Variants in PIP4K2B observed in about 807,000 individuals in gnomAD.
The protein encoded by PIP4K2B is phosphatidylinositol 5-phosphate 4-kinase type-2 beta.
In PIP4K2B, 3 loss-of-function variants were observed where a neutral mutation model predicts 42.0. The observed-to-expected ratio is 0.07, with a 90% CI of 0.03 to 0.18. The LOEUF is 0.18. Ranked by LOEUF, PIP4K2B falls within the 10% of genes least tolerant of loss-of-function variation. The pLI is 1.00. For missense variants in PIP4K2B, 332 were observed against 562.3 expected (o/e 0.59, Z 4.14); for synonymous variants, 204 against 210.1 (o/e 0.97, Z 0.25).
intron 3 of PIP4K2B, among the ~76,000 whole-genome samples, chr17:38,781,622 T>G (rs1490353152): frequency 6.6e-6 from 1 of 152,040 alleles, no homozygotes; most frequent in East Asian, 1.9e-4. Flanking sequence ...GCTCAAGTGA[T>G]CCTCCCGCCT....
At chr17:38,789,467 G>A (rs1438947138) in intron 1 of PIP4K2B, among the ~76,000 whole-genome samples, 3 of 152,202 alleles carry the variant, frequency 2.0e-5, no homozygotes, top group Admixed American at 6.5e-5. Flanking sequence ...ATGGACTGGG[G>A]GGAGGGGGCA....
intron 1 of PIP4K2B, among the ~76,000 whole-genome samples, chr17:38,790,746 T>C (rs928107873): frequency 6.6e-6 from 1 of 152,194 alleles, no homozygotes; most frequent in Admixed American, 6.5e-5. Flanking sequence ...TGTGAGCTAC[T>C]GCACCTGGCC....
At chr17:38,779,983 C>A in intron 4 of PIP4K2B, 1 of 180,332 alleles carries the variant, frequency 5.5e-6, no homozygotes, top group African/African-American at 2.4e-5. Context: ...ATGCCATGCC[C>A]CAGGGTTTCT....
intron 3 of PIP4K2B, among the ~76,000 whole-genome samples, chr17:38,780,938 G>A (rs1469162817): frequency 3.3e-5 from 5 of 152,104 alleles, no homozygotes; most frequent in African/African-American, 1.2e-4. Context: ...GTCTAATCTG[G>A]ACTCTCACAC....
chr17:38,776,436 T>C (rs1381553577), intron 7 of PIP4K2B, among the ~76,000 whole-genome samples: 4 of 152,254 alleles, frequency 2.6e-5, no homozygotes, highest in Admixed American at 1.3e-4. Context: ...GTAGTGCTGG[T>C]TGCATAACAA....
In PIP4K2B at chr17:38,766,021, A is replaced by G. The variant is rs920747326; in HGVS notation, c.*3670T>C. ...GGTGTTGGCTCCCACCGCCTCTCAC[A>G]GTGGCTCTGCGCAAGGGCAAGAGGC... On this transcript the variant is annotated 3_prime_UTR_variant, in exon 10 of 10. Transcript: ENST00000619039. 5.9e-5 allele frequency: 9 copies of G among 152,702 alleles called. No homozygotes were observed. Among genetic ancestry groups the G allele is most frequent in the Non-Finnish European group, 1.0e-4 (7 of 68,092 alleles). The allele number at this position is 152,702 out of a possible 1,614,324, so 9.5% of individuals were successfully genotyped here.
intron 1 of PIP4K2B, among the ~76,000 whole-genome samples, chr17:38,795,099 CAAAAA>C (rs61707682): frequency 2.4e-5 from 1 of 41,496 alleles, no homozygotes; most frequent in Non-Finnish European, 4.4e-5. Flanking sequence ...AACTCCATCT[CAAAAA>C]AAAAAAAAAA....
At position 38,767,859 on chromosome 17, in the gene PIP4K2B, T is replaced by C. The variant is rs576182241; in HGVS notation, c.*1832A>G. 2.4e-4 allele frequency: 36 copies of C among 152,358 alleles called. No individual in the cohort carries two copies. The highest frequency in any genetic ancestry group is 8.2e-4 in the African/African-American group (34 of 41,586). 9.4% of individuals were successfully genotyped at this position (152,358 alleles called of 1,614,324 possible). On this transcript the variant is annotated 3_prime_UTR_variant, in exon 10 of 10. Coordinates refer to ENST00000619039, the MANE Select transcript of PIP4K2B (RefSeq NM_003559.5). Reference sequence around the variant, plus strand: ...AGTTGGTTTCAAGTTCCCTAAGTCATGTAGTGGTCTTGCGGCAGTTGTTCA... The same window carrying C: ...AGTTGGTTTCAAGTTCCCTAAGTCACGTAGTGGTCTTGCGGCAGTTGTTCA...
intron 7 of PIP4K2B, among the ~76,000 whole-genome samples, chr17:38,772,861 G>T (rs1909120827): frequency 6.6e-6 from 1 of 152,172 alleles, no homozygotes; most frequent in African/African-American, 2.4e-5. Flanking sequence ...GATTACAGGT[G>T]TGAGCCACTG....
intron 1 of PIP4K2B, among the ~76,000 whole-genome samples, chr17:38,798,731 GA>G (rs935425049): frequency 1.3e-4 from 19 of 151,868 alleles, no homozygotes; most frequent in African/African-American, 4.3e-4. Context: ...GTTCAAGAGG[GA>G]AAAAAAAGGA....
chr17:38,784,378 T>TTGCTCATC, intron 2 of PIP4K2B, 39 bp from the exon 3 acceptor site: 1 of 1,057,030 alleles, frequency 9.5e-7, no homozygotes, highest in South Asian at 1.3e-5. Context: ...GAACTGCCCC[T>TTGCTCATC]TGCTCATCTT....
At chr17:38,783,935 G>C (rs1182980259) in intron 3 of PIP4K2B, among the ~76,000 whole-genome samples, 2 of 152,172 alleles carry the variant, frequency 1.3e-5, no homozygotes, top group Non-Finnish European at 2.9e-5. Context: ...GAATGAGAAG[G>C]GTTCTTCAGC....
intron 4 of PIP4K2B, 32 bp downstream of exon 4, chr17:38,780,420 C>T (rs1227386693): frequency 5.7e-6 from 9 of 1,577,724 alleles, no homozygotes; most frequent in Non-Finnish European, 7.8e-6. Context: ...TCCAACCCAT[C>T]CTCTGCAGCC....
At position 38,780,539 on chromosome 17, in the gene PIP4K2B, G is replaced by C; in HGVS notation, c.420C>G (p.Leu140=). ...TGACAAAGCGCCGGTCGTAGGTGGT[G>C]AGGAAACGCGTGCCACACCGACCCT... is the stretch of plus-strand genomic sequence containing the variant. The part of the protein sequence containing the change: ...DSQGRCGTRF[L]TTYDRRFVIK... Residue 140 remains leucine (L), a synonymous_variant, in exon 4 of 10, where the codon CTC becomes CTG. Transcript: ENST00000619039. The C allele has an allele frequency of 6.2e-7, 1 of 1,614,042 alleles. No homozygotes were observed. Among genetic ancestry groups the C allele is most frequent in the South Asian group, 1.1e-5 (1 of 91,074 alleles).
intron 7 of PIP4K2B, among the ~76,000 whole-genome samples, chr17:38,773,723 A>T (rs1042451987): frequency 2.0e-5 from 3 of 152,170 alleles, no homozygotes; most frequent in African/African-American, 4.8e-5. Context: ...ATGGGAGCCC[A>T]GCAGGATCTC....
intron 1 of PIP4K2B, among the ~76,000 whole-genome samples, chr17:38,793,628 T>G (rs1218207720): frequency 6.6e-6 from 1 of 152,164 alleles, no homozygotes; most frequent in Admixed American, 6.5e-5. Context: ...CCTAGCACTT[T>G]GGAAGACCGA....
At chr17:38,795,866 C>T (rs760457350) in intron 1 of PIP4K2B, among the ~76,000 whole-genome samples, 7 of 151,598 alleles carry the variant, frequency 4.6e-5, no homozygotes, top group Admixed American at 1.3e-4. Context: ...AGGCCGGGTG[C>T]GATGGCTCAT....
At chr17:38,771,917 C>T (rs918920106) in intron 7 of PIP4K2B, among the ~76,000 whole-genome samples, 1 of 152,122 alleles carries the variant, frequency 6.6e-6, no homozygotes, top group Admixed American at 6.5e-5. Flanking sequence ...GTAGTCCTAC[C>T]TACTTGGGAG....
chr17:38,766,936 G>GA lies in PIP4K2B; in HGVS notation c.*2754dup, dbSNP rs1908736767. On this transcript the variant is annotated 3_prime_UTR_variant, in exon 10 of 10. Transcript: ENST00000619039. Reference sequence around the variant, plus strand: ...ACAGTGTCTCGGCTGCGGACTTGTGGAAGAAGAGGGGGAAGGATGGGAGAA... The same window carrying GA: ...ACAGTGTCTCGGCTGCGGACTTGTGGAAAGAAGAGGGGGAAGGATGGGAGAA... 6.6e-6 allele frequency: 1 copy of GA among 152,454 alleles called. No homozygotes were observed. The highest frequency in any genetic ancestry group is 2.1e-4 in the South Asian group (1 of 4,836). 9.4% of individuals were successfully genotyped at this position (152,454 alleles called of 1,614,324 possible).
Sources: allele counts gnomAD v4.1 joint callset (sites outside exome capture counted in the v4.1 genomes callset), GRCh38; gene constraint gnomAD v4.1.1; transcripts MANE v1.5; gene names NCBI Gene and HGNC (gene_info 2026-07-23, HGNC 2026-07-21).